Variants in IL21R observed in about 807,000 individuals in gnomAD.
IL21R encodes interleukin-21 receptor.
IL21R carries 14 observed loss-of-function variants against 41.3 expected under a neutral mutation model. The observed-to-expected ratio is 0.34, with a 90% CI of 0.22 to 0.53. The LOEUF is 0.53. IL21R is among the 20% of genes least tolerant of loss of function. IL21R has a pLI of 0.94. For missense variants in IL21R, 588 were observed against 681.6 expected, an observed-to-expected ratio of 0.86 and a Z score of 1.53; for synonymous variants, 286 against 287.6, an observed-to-expected ratio of 0.99 and a Z score of 0.05.
At chr16:27,414,165 A>AGTGTGTGTGTGTGTGTGTGT (rs3917005) in intron 1 of IL21R, among the ~76,000 whole-genome samples, 23,589 of 143,972 alleles carry the variant, frequency 0.16, 2,251 homozygotes, top group South Asian at 0.31. Flanking sequence ...AGCTATGTAT[A>AGTGTGTGTGTGTGTGTGTGT]GTGTGTGTGT....
At chr16:27,418,852 C>T (rs1283141122) in intron 1 of IL21R, among the ~76,000 whole-genome samples, 2 of 150,534 alleles carry the variant, frequency 1.3e-5, no homozygotes, top group East Asian at 1.9e-4. Context: ...TTCTAAAAGC[C>T]TTTTTATATA....
At chr16:27,423,409 C>G (rs929946997) in intron 1 of IL21R, among the ~76,000 whole-genome samples, 1 of 152,140 alleles carries the variant, frequency 6.6e-6, no homozygotes, top group Non-Finnish European at 1.5e-5. Flanking sequence ...AAAATATAAT[C>G]AACACCCATG....
At chr16:27,414,623 C>A (rs1265722036) in intron 1 of IL21R, among the ~76,000 whole-genome samples, 1 of 142,142 alleles carries the variant, frequency 7.0e-6, no homozygotes, top group Admixed American at 6.8e-5. Context: ...CTTTTTTGAC[C>A]TATCTATTCT....
At chr16:27,446,870 C>T (rs181794672) in intron 8 of IL21R, among the ~76,000 whole-genome samples, 161 of 152,360 alleles carry the variant, frequency 1.1e-3, no homozygotes, top group African/African-American at 3.4e-3. Flanking sequence ...CCGTGTCACC[C>T]ACCCTGCAGC....
chr16:27,407,241 C>T (rs1056902734), intron 1 of IL21R, among the ~76,000 whole-genome samples: 1 of 152,184 alleles, frequency 6.6e-6, no homozygotes, highest in Non-Finnish European at 1.5e-5. Flanking sequence ...ATTACCCAGC[C>T]TCTGAGAGCT....
chr16:27,444,408 A>G, intron 5 of IL21R, 134 bp from the exon 6 acceptor site: 1 of 549,008 alleles, frequency 1.8e-6, no homozygotes, highest in Non-Finnish European at 3.0e-6. Flanking sequence ...ACTCAGGCAT[A>G]GGCTTGATTC....
At chr16:27,444,414 G>C in intron 5 of IL21R, 128 bp from the exon 6 acceptor site, 1 of 590,548 alleles carries the variant, frequency 1.7e-6, no homozygotes. Context: ...GCATAGGCTT[G>C]ATTCTTGTGG....
intron 4 of IL21R, among the ~76,000 whole-genome samples, chr16:27,442,408 G>C (rs1202605294): frequency 2.0e-5 from 3 of 152,190 alleles, no homozygotes; most frequent in Admixed American, 6.5e-5. Context: ...CTGTCGCCCG[G>C]GCTGGAGTGC....
chr16:27,403,824 G>A (rs966438186), intron 1 of IL21R, among the ~76,000 whole-genome samples: 2 of 152,122 alleles, frequency 1.3e-5, no homozygotes, highest in Non-Finnish European at 2.9e-5. Context: ...CCTGGCTCTG[G>A]CCCCCCCAGT....
rs1352160946 is a variant in IL21R at position 27,440,248 on chromosome 16, T to TATATATAGAGAG, written c.352+2562_352+2563insTATATAGAGAGA. 5.3e-3 allele frequency among the ~76,000 whole-genome samples: 338 copies of TATATATAGAGAG among 63,994 alleles called. 3 individuals are homozygous for TATATATAGAGAG. The highest frequency in any genetic ancestry group is 7.7e-3 in the Non-Finnish European group (288 of 37,608). The allele number at this position is 63,994 out of a possible 152,430, so 42.0% of individuals were successfully genotyped here. Reference sequence around the variant, plus strand: ...ATATATATATATATATATATATATATAGAGAGAGAGAGAGAGAGAGAGAGA... The same window carrying TATATATAGAGAG: ...ATATATATATATATATATATATATATATATATAGAGAGAGAGAGAGAGAGAGAGAGAGAGAGA... On this transcript the variant is annotated intron_variant, in intron 4 of 8. Coordinates refer to ENST00000337929, the MANE Select transcript of IL21R (RefSeq NM_181078.3).
At chr16:27,431,891 G>T (rs534021198) in intron 2 of IL21R, among the ~76,000 whole-genome samples, 1 of 152,078 alleles carries the variant, frequency 6.6e-6, no homozygotes, top group Non-Finnish European at 1.5e-5. Context: ...TGATCCACCC[G>T]CCTCGGCCTC....
At chr16:27,403,421 A>C (rs1006697013) in intron 1 of IL21R, among the ~76,000 whole-genome samples, 19 of 152,130 alleles carry the variant, frequency 1.2e-4, no homozygotes, top group Admixed American at 1.3e-4. Context: ...CAAAGCCAGG[A>C]GGCTGCTGCG....
At chr16:27,428,628 C>T (rs2087116602) in intron 1 of IL21R, among the ~76,000 whole-genome samples, 2 of 152,234 alleles carry the variant, frequency 1.3e-5, no homozygotes, top group African/African-American at 4.8e-5. Flanking sequence ...ACAGACAAGT[C>T]CCAGGAGAAG....
At chr16:27,421,011 C>T (rs1453598411) in intron 1 of IL21R, among the ~76,000 whole-genome samples, 1 of 152,068 alleles carries the variant, frequency 6.6e-6, no homozygotes, top group East Asian at 1.9e-4. Context: ...AATCTAGCTT[C>T]ATTATATTGC....
intron 3 of IL21R, 127 bp from the exon 4 acceptor site, chr16:27,437,361 C>A: frequency 1.3e-6 from 1 of 744,340 alleles, no homozygotes; most frequent in East Asian, 2.7e-5. Flanking sequence ...TGACCACCCC[C>A]CAGCCCTGCC....
chr16:27,442,711 T>G (rs1323584267), intron 4 of IL21R: 3 of 335,254 alleles, frequency 8.9e-6, no homozygotes, highest in Non-Finnish European at 1.6e-5. Flanking sequence ...CTCCTCTCTG[T>G]GACCTGCCCG....
chr16:27,408,407 G>A (rs2086779934), intron 1 of IL21R, among the ~76,000 whole-genome samples: 1 of 152,200 alleles, frequency 6.6e-6, no homozygotes. Flanking sequence ...AATACTGGGG[G>A]CTAGATCCCG....
At chr16:27,439,511 C>T (rs1292215198) in intron 4 of IL21R, among the ~76,000 whole-genome samples, 1 of 151,678 alleles carries the variant, frequency 6.6e-6, no homozygotes, top group East Asian at 1.9e-4. Flanking sequence ...TATACACTTT[C>T]TCACACGTGT....
rs569270429 is a variant in IL21R at position 27,438,480 on chromosome 16, T to C, written c.352+793T>C. 3.3e-5 allele frequency among the ~76,000 whole-genome samples: 5 copies of C among 152,182 alleles called. No individual in the cohort carries two copies. The South Asian group carries it at 1.0e-3, about 32-fold the overall frequency. On this transcript the variant is annotated intron_variant, in intron 4 of 8. Coordinates refer to ENST00000337929, the MANE Select transcript of IL21R (RefSeq NM_181078.3). Reference sequence around the variant, plus strand: ...TGGCTCATGCCTGTAATTCCAACACTTTGGAAGGCTGAGGCAGGAGGATTG... The same window carrying C: ...TGGCTCATGCCTGTAATTCCAACACCTTGGAAGGCTGAGGCAGGAGGATTG...
Sources: allele counts gnomAD v4.1 joint callset (sites outside exome capture counted in the v4.1 genomes callset), GRCh38; gene constraint gnomAD v4.1.1; transcripts MANE v1.5; gene names NCBI Gene and HGNC (gene_info 2026-07-23, HGNC 2026-07-21).